KALRN: variants seen among roughly 807,000 people sequenced by gnomAD.
The protein encoded by KALRN is kalirin.
A neutral mutation model predicts 353.7 loss-of-function variants in KALRN; 70 were observed. That is an observed-to-expected ratio of 0.20 (90% CI 0.16 to 0.24). The LOEUF (loss-of-function observed/expected upper bound fraction) is 0.24, where lower values mean the gene tolerates loss of function less well. Among genes scored for constraint, KALRN ranks in the 10% least tolerant of loss-of-function variants. The pLI, the probability that KALRN is intolerant of heterozygous loss-of-function variation, is 1.00. For missense variants in KALRN, 2,791 were observed against 3,756.7 expected (o/e 0.74, Z 6.72); for synonymous variants, 1,391 against 1,434.8 (o/e 0.97, Z 0.69).
intron 1 of KALRN, chr3:124,152,066 AATTTAAAGGGCCACAGGAAGTT>A: frequency 7.5e-7 from 1 of 1,330,334 alleles, no homozygotes; most frequent in Non-Finnish European, 1.1e-6. Flanking sequence ...TGGAGAAGAT[AATTTAAAGGGCCACAGGAAGTT>A]ATTTGCTTCT....
intron 34 of KALRN, among the ~76,000 whole-genome samples, chr3:124,618,620 T>G (rs1379793848): frequency 1.3e-5 from 2 of 152,182 alleles, no homozygotes; most frequent in African/African-American, 4.8e-5. Context: ...GATAAGCTAA[T>G]AGAGTTAACG....
At chr3:124,443,051 C>G (rs1393169841) in intron 19 of KALRN, among the ~76,000 whole-genome samples, 2 of 151,922 alleles carry the variant, frequency 1.3e-5, no homozygotes, top group Non-Finnish European at 2.9e-5. Flanking sequence ...CAAAACTGCC[C>G]AATTCTACCA....
chr3:124,567,135 G>T (rs903772587), intron 34 of KALRN, among the ~76,000 whole-genome samples: 5 of 152,170 alleles, frequency 3.3e-5, no homozygotes, highest in Non-Finnish European at 7.4e-5. Context: ...ACCCCACCTA[G>T]AACAAATGGA....
At chr3:124,555,752 C>T (rs1290314586) in intron 33 of KALRN, among the ~76,000 whole-genome samples, 2 of 152,146 alleles carry the variant, frequency 1.3e-5, no homozygotes, top group East Asian at 1.9e-4. Context: ...TATTCACTCG[C>T]GCATTCAACA....
chr3:124,407,344 G>T (rs1164335577), intron 13 of KALRN, among the ~76,000 whole-genome samples: 1 of 151,648 alleles, frequency 6.6e-6, no homozygotes, highest in Admixed American at 6.6e-5. Context: ...TTGCTTCCAG[G>T]TTTTAAGCAG....
At chr3:124,605,571 TAAAA>T (rs61234632) in intron 34 of KALRN, among the ~76,000 whole-genome samples, 3 of 138,520 alleles carry the variant, frequency 2.2e-5, no homozygotes, top group Non-Finnish European at 3.1e-5. Flanking sequence ...GGACTCCATC[TAAAA>T]AAAAAAAAAA....
chr3:124,235,066 C>A, intron 3 of KALRN, 123 bp downstream of exon 3: 2 of 666,800 alleles, frequency 3.0e-6, no homozygotes, highest in East Asian at 2.7e-5. Flanking sequence ...TGGATTCTAA[C>A]CATTCCTGGA....
At chr3:124,665,745 A>G (rs1578797253) in intron 45 of KALRN, among the ~76,000 whole-genome samples, 1 of 152,222 alleles carries the variant, frequency 6.6e-6, no homozygotes, top group Non-Finnish European at 1.5e-5. Flanking sequence ...GATTACAGGC[A>G]TGAGCACCAC....
At chr3:124,401,887 T>G (rs1560816215) in intron 13 of KALRN, among the ~76,000 whole-genome samples, 1 of 152,188 alleles carries the variant, frequency 6.6e-6, no homozygotes, top group East Asian at 1.9e-4. Flanking sequence ...TGTCTCACTG[T>G]GGGGATGAAG....
At chr3:124,380,590 G>A (rs2087218099) in intron 10 of KALRN, among the ~76,000 whole-genome samples, 1 of 152,172 alleles carries the variant, frequency 6.6e-6, no homozygotes, top group South Asian at 2.1e-4. Context: ...CAAGTCCAAG[G>A]CAGAGACTAG....
At chr3:124,223,906 G>A (rs1272257451) in intron 1 of KALRN, among the ~76,000 whole-genome samples, 1 of 152,202 alleles carries the variant, frequency 6.6e-6, no homozygotes, top group Non-Finnish European at 1.5e-5. Flanking sequence ...CAAAAGTGGG[G>A]CTTGGAGAAG....
At chr3:124,237,033 A>C (rs2079863113) in intron 3 of KALRN, among the ~76,000 whole-genome samples, 1 of 152,216 alleles carries the variant, frequency 6.6e-6, no homozygotes, top group Non-Finnish European at 1.5e-5. Context: ...AGTCATGCCC[A>C]CCAGTCACTT....
intron 12 of KALRN, among the ~76,000 whole-genome samples, chr3:124,397,262 C>T (rs990894984): frequency 7.2e-5 from 11 of 152,252 alleles, no homozygotes; most frequent in African/African-American, 2.2e-4. Flanking sequence ...TGGGGATGTC[C>T]GTGCAGTTGT....
intron 21 of KALRN, among the ~76,000 whole-genome samples, chr3:124,451,861 A>G (rs959975538): frequency 2.6e-5 from 4 of 152,198 alleles, no homozygotes; most frequent in African/African-American, 7.2e-5. Context: ...TACCATTTCT[A>G]TACCACAGCT....
intron 8 of KALRN, among the ~76,000 whole-genome samples, chr3:124,330,854 G>A (rs924493699): frequency 7.9e-5 from 12 of 152,080 alleles, no homozygotes; most frequent in South Asian, 6.2e-4. Flanking sequence ...CACCTGCATC[G>A]GACTCACCTG....
In KALRN at chr3:124,405,201, A is replaced by G. The variant is rs1046395472; in HGVS notation, c.2346+6330A>G. Among the ~76,000 whole-genome samples, 7 of 152,252 alleles carry G rather than the reference A, an allele frequency of 4.6e-5. No individual in the cohort carries two copies. The South Asian group carries it at 8.3e-4, about 18-fold the overall frequency. On this transcript the variant is annotated intron_variant, in intron 13 of 59. Coordinates refer to ENST00000682506, the MANE Select transcript of KALRN (RefSeq NM_001388419.1). ...CCTACTATCGTCCTTTTTTAAAAAA[A>G]TCAGGATTTTTCACACAGCTTTAGT...
chr3:124,407,083 G>A (rs1463645561), intron 13 of KALRN, among the ~76,000 whole-genome samples: 3 of 151,888 alleles, frequency 2.0e-5, no homozygotes, highest in Non-Finnish European at 4.4e-5. Flanking sequence ...ATCCACCTGC[G>A]AAAGTGTTGG....
intron 1 of KALRN, among the ~76,000 whole-genome samples, chr3:124,106,893 T>C (rs1407933404): frequency 6.6e-6 from 1 of 152,192 alleles, no homozygotes; most frequent in Non-Finnish European, 1.5e-5. Flanking sequence ...GAGGGTTATC[T>C]GGTTTGGGTT....
intron 9 of KALRN, among the ~76,000 whole-genome samples, chr3:124,343,332 G>C (rs535401794): frequency 1.3e-5 from 2 of 151,982 alleles, no homozygotes; most frequent in African/African-American, 4.8e-5. Flanking sequence ...AATTTTTTTT[G>C]TATTTTTTGT....
Sources: allele counts gnomAD v4.1 joint callset (sites outside exome capture counted in the v4.1 genomes callset), GRCh38; gene constraint gnomAD v4.1.1; transcripts MANE v1.5; gene names NCBI Gene and HGNC (gene_info 2026-07-23, HGNC 2026-07-21).